TRHDE: variants seen among roughly 807,000 people sequenced by gnomAD.
TRHDE encodes the protein thyrotropin-releasing hormone-degrading ectoenzyme.
In TRHDE, 72 loss-of-function variants were observed where a neutral mutation model predicts 125.7. The observed-to-expected ratio is 0.57, with a 90% CI of 0.47 to 0.70. The LOEUF (loss-of-function observed/expected upper bound fraction) is 0.70. Ranked by LOEUF, TRHDE falls within the 30% of genes least tolerant of loss-of-function variation. TRHDE has a pLI of 0.00. For synonymous variants in TRHDE, 509 were observed against 509.1 expected, an observed-to-expected ratio of 1.00 and a Z score of 0.00; for missense variants, 1,110 against 1,327.1, an observed-to-expected ratio of 0.84 and a Z score of 2.54.
chr12:72,454,508 AGAAGAGAATATCTTACATTGAATACT>A (rs1875744138), intron 3 of TRHDE, among the ~76,000 whole-genome samples: 1 of 152,232 alleles, frequency 6.6e-6, no homozygotes, highest in Admixed American at 6.5e-5. Flanking sequence ...ATACATGAAC[AGAAGAGAATATCTTACATTGAATACT>A]GAAAAAGCTT....
At chr12:72,272,348 C>A (rs1408471884), upstream of TRHDE, 5 of 361,424 alleles carry the variant, frequency 1.4e-5, no homozygotes, top group Non-Finnish European at 2.2e-5. The surrounding 1 kb of genome is among the most constrained non-coding windows in gnomAD (Gnocchi z 6.7). Flanking sequence ...GCAGCATGTG[C>A]CCCGCCGCCG....
At chr12:72,419,380 A>G (rs1429097318) in intron 3 of TRHDE, among the ~76,000 whole-genome samples, 1 of 152,166 alleles carries the variant, frequency 6.6e-6, no homozygotes, top group Non-Finnish European at 1.5e-5. Context: ...ATTTATAAAG[A>G]ACAGAGGTTT....
chr12:72,575,305 A>G lies in TRHDE; in HGVS notation c.2182A>G (p.Ile728Val). The G allele has an allele frequency of 6.2e-7, 1 of 1,613,640 alleles. No individual in the cohort carries two copies. Among genetic ancestry groups the G allele is most frequent in the East Asian group, 2.2e-5 (1 of 44,856 alleles). The change falls in exon 11 of 19, where the codon ATC becomes GTC. Residue 728 changes from isoleucine to valine, a missense_variant. Coordinates refer to ENST00000261180, the MANE Select transcript of TRHDE (RefSeq NM_013381.3). ...CAAAGGAAGCTGGCTGCTGGGGAACATCAATCAAACTGGCTATTTTAGAGT... is the reference window on the plus strand; with the variant it reads ...CAAAGGAAGCTGGCTGCTGGGGAACGTCAATCAAACTGGCTATTTTAGAGT... ...LDKGSWLLGNINQTGYFRVNY... is the reference protein window; with the variant it reads ...LDKGSWLLGNVNQTGYFRVNY...
At chr12:72,171,860 C>A (rs1189430347) in intron 2 of TRHDE, among the ~76,000 whole-genome samples, 2 of 152,306 alleles carry the variant, frequency 1.3e-5, no homozygotes, top group East Asian at 1.9e-4. Context: ...GCTCACCAAT[C>A]TTCCAGCTGT....
intron 15 of TRHDE, among the ~76,000 whole-genome samples, chr12:72,640,982 A>C (rs191891148): frequency 1.3e-5 from 2 of 152,334 alleles, no homozygotes; most frequent in East Asian, 1.9e-4. Flanking sequence ...TTTCAGTGTT[A>C]ATACAATCAC....
At chr12:72,462,972 A>C (rs1451983224) in intron 3 of TRHDE, among the ~76,000 whole-genome samples, 1 of 152,250 alleles carries the variant, frequency 6.6e-6, no homozygotes, top group African/African-American at 2.4e-5. Context: ...CCTAATTCAA[A>C]GAAGTACCTT....
chr12:72,321,594 G>A (rs746717958), intron 2 of TRHDE, among the ~76,000 whole-genome samples: 9 of 151,990 alleles, frequency 5.9e-5, no homozygotes, highest in Non-Finnish European at 1.2e-4. Context: ...GTAAAGGTGC[G>A]TTTATTTTAC....
At chr12:72,471,129 C>T (rs931268105) in intron 4 of TRHDE, among the ~76,000 whole-genome samples, 5 of 152,002 alleles carry the variant, frequency 3.3e-5, no homozygotes, top group Non-Finnish European at 5.9e-5. Context: ...CCACCCCCCT[C>T]GACCTCCCAA....
intron 15 of TRHDE, among the ~76,000 whole-genome samples, chr12:72,638,211 A>G (rs1187138908): frequency 2.7e-5 from 4 of 148,494 alleles, no homozygotes; most frequent in Non-Finnish European, 4.5e-5. Flanking sequence ...ATATATATTT[A>G]GGATAGTTAG....
At chr12:72,512,484 A>T (rs1220572217) in intron 6 of TRHDE, among the ~76,000 whole-genome samples, 1 of 139,748 alleles carries the variant, frequency 7.2e-6, no homozygotes, top group Non-Finnish European at 1.5e-5. Flanking sequence ...ATAATTATAT[A>T]ATAATAATAT....
At chr12:72,169,754 G>C (rs1002197458) in intron 2 of TRHDE, among the ~76,000 whole-genome samples, 3 of 151,918 alleles carry the variant, frequency 2.0e-5, no homozygotes, top group Admixed American at 6.6e-5. Context: ...TCAGAAAAGG[G>C]CCCCACCCTT....
intron 2 of TRHDE, among the ~76,000 whole-genome samples, chr12:72,371,395 TTTA>T (rs201192095): frequency 1.3e-5 from 2 of 151,210 alleles, no homozygotes; most frequent in Non-Finnish European, 2.9e-5. Context: ...TTTATTTATT[TTTA>T]TTATTATTAT....
rs530698552 is a variant in TRHDE at position 72,574,097 on chromosome 12, A to G, written c.2132-1158A>G. On this transcript the variant is annotated intron_variant, in intron 10 of 18. Coordinates refer to ENST00000261180, the MANE Select transcript of TRHDE (RefSeq NM_013381.3). ...GAGAAATGAATGGTCATTTATGTCC[A>G]CCCAATATGTTTTCTGGTATAAACT... is the stretch of plus-strand genomic sequence containing the variant. Among the ~76,000 whole-genome samples the G allele has an allele frequency of 2.6e-5, 4 of 152,156 alleles. No individual in the cohort carries two copies. The East Asian group carries it at 5.8e-4, about 22-fold the overall frequency.
At chr12:72,640,868 A>G (rs1380213077) in intron 15 of TRHDE, among the ~76,000 whole-genome samples, 2 of 152,250 alleles carry the variant, frequency 1.3e-5, no homozygotes, top group African/African-American at 4.8e-5. Context: ...GCCTCACTCT[A>G]AATCAATGGC....
intron 3 of TRHDE, among the ~76,000 whole-genome samples, chr12:72,413,254 C>G (rs1873588623): frequency 6.6e-6 from 1 of 151,794 alleles, no homozygotes. Flanking sequence ...ATTTTGCAAA[C>G]TATAGAATGA....
At chr12:72,151,789 G>T (rs1876372896) in intron 2 of TRHDE, among the ~76,000 whole-genome samples, 1 of 152,144 alleles carries the variant, frequency 6.6e-6, no homozygotes, top group African/African-American at 2.4e-5. Flanking sequence ...TGCTGTTTTG[G>T]TTACTGTAGC....
At chr12:72,357,441 T>C (rs531859371) in intron 2 of TRHDE, among the ~76,000 whole-genome samples, 1 of 151,704 alleles carries the variant, frequency 6.6e-6, no homozygotes, top group East Asian at 1.9e-4. Context: ...ATTTTCCACA[T>C]GTAAGTGATA....
chr12:72,610,111 A>G (rs1172039742), intron 12 of TRHDE, among the ~76,000 whole-genome samples: 1 of 152,220 alleles, frequency 6.6e-6, no homozygotes, highest in Non-Finnish European at 1.5e-5. Flanking sequence ...TCCTGTACAT[A>G]AAGTATATAT....
chr12:72,209,858 GA>G (rs1291666388), intron 2 of TRHDE, among the ~76,000 whole-genome samples: 1 of 152,138 alleles, frequency 6.6e-6, no homozygotes, highest in Non-Finnish European at 1.5e-5. Flanking sequence ...TGTGTTTTCT[GA>G]TGCATTTATG....
Sources: gnomAD v4.1 joint callset for allele counts (sites outside exome capture counted in the v4.1 genomes callset) on GRCh38, gnomAD v4.1.1 for gene constraint, Gnocchi (gnomAD v3.1) non-coding constraint, MANE v1.5 for transcripts, NCBI Gene and HGNC (gene_info 2026-07-23, HGNC 2026-07-21) for gene names.